The following HIPK3 variants were observed in gnomAD, a reference collection of about 807,000 sequenced individuals.
HIPK3 encodes homeodomain interacting protein kinase 3.
A neutral mutation model predicts 124.2 loss-of-function variants in HIPK3; 47 were observed. The observed-to-expected ratio is 0.38, with a 90% confidence interval of 0.30 to 0.48. The LOEUF (loss-of-function observed/expected upper bound fraction) is 0.48, where lower values mean the gene tolerates loss of function less well. Among genes scored for constraint, HIPK3 ranks in the 20% least tolerant of loss-of-function variants. HIPK3 has a pLI of 0.98. For synonymous variants in HIPK3, 482 were observed against 515.2 expected, an observed-to-expected ratio of 0.94 and a Z score of 0.87; for missense variants, 1,286 against 1,454.3, an observed-to-expected ratio of 0.88 and a Z score of 1.88.
At chr11:33,292,328 G>T (rs185687583) in intron 2 of HIPK3, among the ~76,000 whole-genome samples, 256 of 152,286 alleles carry the variant, frequency 1.7e-3, no homozygotes, top group Non-Finnish European at 2.6e-3. Flanking sequence ...GAATACAAAG[G>T]TGATTTATGT....
At chr11:33,285,685 A>G (rs1312970184) in intron 1 of HIPK3, among the ~76,000 whole-genome samples, 2 of 151,956 alleles carry the variant, frequency 1.3e-5, no homozygotes, top group African/African-American at 4.8e-5. Flanking sequence ...TGTTTATATA[A>G]TGTATATTTT....
In HIPK3 at chr11:33,287,309, A is replaced by G. The variant is rs907021448; in HGVS notation, c.895A>G (p.Ile299Val). ...NKFSPLPLKV[I>V]RPILQQVATA... Reference sequence around the variant, plus strand: ...ATTTAGTCCCCTGCCACTAAAAGTGATTCGGCCCATTCTTCAACAAGTGGC... The same window carrying G: ...ATTTAGTCCCCTGCCACTAAAAGTGGTTCGGCCCATTCTTCAACAAGTGGC... Residue 299 changes from isoleucine (I) to valine (V), a missense_variant, in exon 2 of 17, where the codon ATT becomes GTT. Around this residue, in one of 3 missense-constraint regions of HIPK3, gnomAD observed 251 missense variants for 349.1 expected, o/e 0.72. Coordinates refer to ENST00000303296, the MANE Select transcript of HIPK3 (RefSeq NM_005734.5). 1 of 1,614,168 alleles carries G rather than the reference A, an allele frequency of 6.2e-7. No homozygotes were observed. Among genetic ancestry groups the G allele is most frequent in the Non-Finnish European group, 8.5e-7 (1 of 1,180,002 alleles).
intron 1 of HIPK3, among the ~76,000 whole-genome samples, chr11:33,272,502 T>G (rs1851153920): frequency 6.6e-6 from 1 of 152,202 alleles, no homozygotes; most frequent in Non-Finnish European, 1.5e-5. Flanking sequence ...ATTACATTGC[T>G]GTTCTTTAGT....
At chr11:33,283,141 C>T (rs1452094068) in intron 1 of HIPK3, among the ~76,000 whole-genome samples, 9 of 150,590 alleles carry the variant, frequency 6.0e-5, no homozygotes, top group Non-Finnish European at 1.2e-4. Context: ...GACGGAGTCT[C>T]CCTCTGCCGC....
chr11:33,303,580 C>T (rs1852066777), intron 2 of HIPK3, among the ~76,000 whole-genome samples: 1 of 152,146 alleles, frequency 6.6e-6, no homozygotes, highest in Non-Finnish European at 1.5e-5. Flanking sequence ...TGTACTATGT[C>T]AATAGAATGT....
intron 8 of HIPK3, among the ~76,000 whole-genome samples, chr11:33,345,208 T>G (rs1350763221): frequency 2.6e-5 from 4 of 152,130 alleles, no homozygotes; most frequent in Non-Finnish European, 5.9e-5. Flanking sequence ...ATTTAACATC[T>G]GAGTGTTTTA....
Position 33,293,534 on chromosome 11 carries a change from C to T in HIPK3, c.1097+6023C>T, listed in dbSNP as rs976076486. On this transcript the variant is annotated intron_variant, in intron 2 of 16. Coordinates refer to ENST00000303296, the MANE Select transcript of HIPK3 (RefSeq NM_005734.5). ...TAACCATACAATATATGGTCCTTTTCGACTGAGTTTTTTTTTCACTTAACA... is the reference window on the plus strand; with the variant it reads ...TAACCATACAATATATGGTCCTTTTTGACTGAGTTTTTTTTTCACTTAACA... 4.6e-5 allele frequency among the ~76,000 whole-genome samples: 7 copies of T among 151,982 alleles called. No individual in the cohort carries two copies. In the South Asian group the frequency reaches 6.2e-4, roughly 14 times the overall value.
At chr11:33,315,393 A>G (rs182994214) in intron 2 of HIPK3, among the ~76,000 whole-genome samples, 2 of 152,004 alleles carry the variant, frequency 1.3e-5, no homozygotes, top group East Asian at 3.9e-4. Flanking sequence ...CACCTGCCTA[A>G]TTTTTGTATT....
intron 8 of HIPK3, among the ~76,000 whole-genome samples, chr11:33,343,768 A>G (rs1565096503): frequency 6.6e-6 from 1 of 152,024 alleles, no homozygotes; most frequent in African/African-American, 2.4e-5. Flanking sequence ...CATTGTTTTT[A>G]TATATTGGAT....
intron 8 of HIPK3, among the ~76,000 whole-genome samples, chr11:33,342,067 C>T (rs1209618859): frequency 1.4e-5 from 2 of 142,452 alleles, no homozygotes; most frequent in South Asian, 2.2e-4. Flanking sequence ...TGCGCCACTG[C>T]GCTCTAGCCT....
At chr11:33,295,670 G>A (rs1386828711) in intron 2 of HIPK3, among the ~76,000 whole-genome samples, 1 of 152,192 alleles carries the variant, frequency 6.6e-6, no homozygotes, top group African/African-American at 2.4e-5. Flanking sequence ...TTTGTAGACT[G>A]TTCCTCAGTT....
chr11:33,355,816 A>G lies in HIPK3; in HGVS notation c.*2248A>G, dbSNP rs905101842. The G allele has an allele frequency of 6.6e-6, 1 of 151,776 alleles. No homozygotes were observed. The highest frequency in any genetic ancestry group is 2.4e-5 in the African/African-American group (1 of 41,400). 9.4% of individuals were successfully genotyped at this position (151,776 alleles called of 1,614,324 possible). On this transcript the variant is annotated 3_prime_UTR_variant, in exon 17 of 17. Coordinates refer to ENST00000303296, the MANE Select transcript of HIPK3 (RefSeq NM_005734.5). ...GTGTTTTTAGTAATTAATTCTATGC[A>G]TTTTATACAAATAGAAATATATATA...
At chr11:33,283,114 CTT>C (rs776190216) in intron 1 of HIPK3, among the ~76,000 whole-genome samples, 11 of 143,024 alleles carry the variant, frequency 7.7e-5, no homozygotes, top group Non-Finnish European at 7.7e-5. Context: ...TCCAGAATTT[CTT>C]TTTTTTTTTT....
At chr11:33,316,641 G>C (rs549289228) in intron 2 of HIPK3, among the ~76,000 whole-genome samples, 1 of 152,144 alleles carries the variant, frequency 6.6e-6, no homozygotes, top group South Asian at 2.1e-4. Flanking sequence ...TGGGCATGTA[G>C]CAAGACCATG....
In HIPK3 at chr11:33,351,722, T is replaced by G. The variant is rs750285030; in HGVS notation, c.2922T>G (p.His974Gln). The change falls in exon 15 of 17, where the codon CAT becomes CAG. Residue 974 changes from histidine to glutamine, a missense_variant. By Grantham distance (24) the His-to-Gln change is conservative. This residue lies in a region of HIPK3 where 810 missense variants were observed against 864.9 expected (regional missense o/e 0.94). Transcript: ENST00000303296. ...FAESTFVEDT[H>Q]ENTELVSSAD... is the part of the protein sequence containing the mutation. ...AGAGCACTTTTGTGGAGGACACTCA[T>G]GAAAACACAGAATTGGTATCCTCTG... The G allele has an allele frequency of 5.0e-6, 8 of 1,614,098 alleles. No individual in the cohort carries two copies. Among genetic ancestry groups the G allele is most frequent in the Non-Finnish European group, 5.9e-6 (7 of 1,180,042 alleles).
At chr11:33,344,843 G>A (rs573643925) in intron 8 of HIPK3, among the ~76,000 whole-genome samples, 11 of 152,256 alleles carry the variant, frequency 7.2e-5, no homozygotes, top group Middle Eastern at 3.4e-3. Flanking sequence ...AGTATCTAAC[G>A]GGTAGATGTT....
intron 2 of HIPK3, among the ~76,000 whole-genome samples, chr11:33,315,808 T>TC (rs1357773608): frequency 9.2e-5 from 14 of 152,380 alleles, no homozygotes; most frequent in African/African-American, 3.1e-4. Flanking sequence ...TCTTCTATCC[T>TC]CCATCTCTTG....
chr11:33,292,970 C>CTTG (rs942293436), intron 2 of HIPK3, among the ~76,000 whole-genome samples: 2 of 152,306 alleles, frequency 1.3e-5, no homozygotes, highest in African/African-American at 4.8e-5. Flanking sequence ...ATCTCCTGAC[C>CTTG]TTGTGATCCA....
chr11:33,311,235 G>C (rs1852326869), intron 2 of HIPK3, among the ~76,000 whole-genome samples: 1 of 152,106 alleles, frequency 6.6e-6, no homozygotes, highest in Admixed American at 6.6e-5. Flanking sequence ...GGCCAGGCTA[G>C]AGTACAGTGG....
Sources: allele counts gnomAD v4.1 joint callset (sites outside exome capture counted in the v4.1 genomes callset), GRCh38; gene constraint gnomAD v4.1.1; regional missense constraint gnomAD v4.1.1; transcripts MANE v1.5; gene names NCBI Gene and HGNC (gene_info 2026-07-23, HGNC 2026-07-21).